Variants in CCDC102B observed in about 807,000 individuals in gnomAD.
The protein encoded by CCDC102B is coiled-coil domain-containing protein 102B.
Under a neutral mutation model 57.4 loss-of-function variants are expected in CCDC102B, and 75 were observed. The ratio of observed to expected loss-of-function variants is 1.31; its 90% CI spans 1.08 to 1.58. CCDC102B has a LOEUF of 1.58. Ranked by LOEUF, CCDC102B falls within the 40% of genes most tolerant of loss-of-function variation. The pLI, the probability that CCDC102B is intolerant of heterozygous loss-of-function variation, is 0.00. For synonymous variants in CCDC102B, 206 were observed against 201.9 expected, an observed-to-expected ratio of 1.02 and a Z score of -0.17; for missense variants, 636 against 582.6, an observed-to-expected ratio of 1.09 and a Z score of -0.94.
At chr18:69,005,647 A>G (rs1461837388) in intron 6 of CCDC102B, among the ~76,000 whole-genome samples, 4 of 151,852 alleles carry the variant, frequency 2.6e-5, no homozygotes, top group Non-Finnish European at 1.5e-5. Context: ...GTATCATATT[A>G]CAATTAATTC....
chr18:68,787,407 C>T lies in CCDC102B; in HGVS notation c.-66-35959C>T, dbSNP rs1035762563. ...GGAATAGTTTCAGAAGGAATGGTCCCAGTTCCTCCTTGTACCTCTGGTAGA... is the reference window on the plus strand; with the variant it reads ...GGAATAGTTTCAGAAGGAATGGTCCTAGTTCCTCCTTGTACCTCTGGTAGA... On this transcript the variant is annotated intron_variant, in intron 2 of 3. Coordinates refer to the CCDC102B transcript ENST00000578970. 2.0e-5 allele frequency among the ~76,000 whole-genome samples: 3 copies of T among 151,356 alleles called. No individual in the cohort carries two copies. The South Asian group carries it at 6.2e-4, about 31-fold the overall frequency.
chr18:68,924,067 T>G (rs2041387364), intron 6 of CCDC102B, among the ~76,000 whole-genome samples: 1 of 152,054 alleles, frequency 6.6e-6, no homozygotes, highest in Admixed American at 6.6e-5. Context: ...GTTACTACAA[T>G]ATGTCTTAAA....
At chr18:68,992,399 C>A (rs954295388) in intron 6 of CCDC102B, among the ~76,000 whole-genome samples, 1 of 152,156 alleles carries the variant, frequency 6.6e-6, no homozygotes, top group East Asian at 1.9e-4. Flanking sequence ...GGCTGAACCC[C>A]ACATGGCCAT....
chr18:68,730,026 A>T (rs949152053), intron 2 of CCDC102B, among the ~76,000 whole-genome samples: 1 of 152,116 alleles, frequency 6.6e-6, no homozygotes, highest in African/African-American at 2.4e-5. Flanking sequence ...TCAAAATAAG[A>T]CCTCATTGAC....
chr18:68,756,591 G>A (rs1820360403), intron 2 of CCDC102B, among the ~76,000 whole-genome samples: 1 of 152,178 alleles, frequency 6.6e-6, no homozygotes, highest in African/African-American at 2.4e-5. Context: ...GGCAAGAGAA[G>A]TCATGCCCAA....
intron 3 of CCDC102B, among the ~76,000 whole-genome samples, chr18:68,844,906 A>G (rs1539896): frequency 0.34 from 50,832 of 151,656 alleles, 9,602 homozygotes; most frequent in East Asian, 0.65. Context: ...AGTGTTCAGA[A>G]GACCTAAACT....
intron 6 of CCDC102B, among the ~76,000 whole-genome samples, chr18:68,911,596 CA>C (rs1002279069): frequency 5.4e-5 from 8 of 148,952 alleles, no homozygotes; most frequent in Admixed American, 2.0e-4. Context: ...ACTAAAAATA[CA>C]AAAAATTAGC....
intron 6 of CCDC102B, among the ~76,000 whole-genome samples, chr18:68,913,659 G>GAAAA (rs35793292): frequency 7.0e-6 from 1 of 141,942 alleles, no homozygotes. Context: ...GGTCTCAAAA[G>GAAAA]AAAAAAAAAA....
At chr18:68,781,035 C>A (rs2034990278) in intron 2 of CCDC102B, among the ~76,000 whole-genome samples, 2 of 152,006 alleles carry the variant, frequency 1.3e-5, no homozygotes, top group South Asian at 4.1e-4. Context: ...GTTCATCTTG[C>A]AACTAATTAA....
chr18:69,039,460 A>C (rs1599884652), intron 7 of CCDC102B, among the ~76,000 whole-genome samples: 1 of 151,876 alleles, frequency 6.6e-6, no homozygotes, highest in Non-Finnish European at 1.5e-5. Context: ...ATAAACATCT[A>C]TTCTAAGTTT....
At chr18:69,009,435 A>G (rs2051439626) in intron 6 of CCDC102B, among the ~76,000 whole-genome samples, 1 of 152,170 alleles carries the variant, frequency 6.6e-6, no homozygotes, top group African/African-American at 2.4e-5. Flanking sequence ...TACAATATCT[A>G]TAATTTTGTC....
chr18:69,007,317 C>T (rs537368137), intron 6 of CCDC102B, among the ~76,000 whole-genome samples: 1 of 152,210 alleles, frequency 6.6e-6, no homozygotes, highest in Non-Finnish European at 1.5e-5. Context: ...ACAAAAAATA[C>T]CAAGTGTCTG....
At chr18:68,752,640 A>C (rs949604266) in intron 2 of CCDC102B, among the ~76,000 whole-genome samples, 3 of 152,180 alleles carry the variant, frequency 2.0e-5, no homozygotes, top group African/African-American at 4.8e-5. Flanking sequence ...AATTAATTTC[A>C]TACTAATTTT....
intron 6 of CCDC102B, among the ~76,000 whole-genome samples, chr18:68,916,003 G>A (rs1297979299): frequency 6.6e-6 from 1 of 152,060 alleles, no homozygotes; most frequent in Non-Finnish European, 1.5e-5. Flanking sequence ...TTTATAAAAG[G>A]TGCAAGTTAT....
chr18:68,836,688 C>G, intron 1 of CCDC102B, 61 bp from the exon 2 acceptor site: 13 of 891,774 alleles, frequency 1.5e-5, no homozygotes, highest in Non-Finnish European at 2.1e-5. Context: ...AAGTGTAGGT[C>G]TTGTTCCTGT....
At chr18:68,824,090 G>A (rs891522948) in intron 1 of CCDC102B, among the ~76,000 whole-genome samples, 2 of 151,948 alleles carry the variant, frequency 1.3e-5, no homozygotes, top group Non-Finnish European at 2.9e-5. Context: ...TTTTTCTTTT[G>A]CAATTGCTTT....
chr18:68,904,164 GTTTATC>G (rs1406893778), intron 6 of CCDC102B, among the ~76,000 whole-genome samples: 61 of 151,860 alleles, frequency 4.0e-4, no homozygotes, highest in Non-Finnish European at 8.8e-5. Context: ...ATCATTTCTT[GTTTATC>G]TTTAACTGTT....
At chr18:68,940,289 T>A (rs1250672005) in intron 6 of CCDC102B, among the ~76,000 whole-genome samples, 1 of 151,870 alleles carries the variant, frequency 6.6e-6, no homozygotes, top group African/African-American at 2.4e-5. Flanking sequence ...TATAATAATA[T>A]GTATCTCTTA....
intron 2 of CCDC102B, among the ~76,000 whole-genome samples, chr18:68,781,269 T>G (rs2034999730): frequency 6.6e-6 from 1 of 152,176 alleles, no homozygotes; most frequent in Admixed American, 6.5e-5. Flanking sequence ...TTATGTAATA[T>G]ATATTAATTT....
Sources: gnomAD v4.1 joint callset for allele counts (sites outside exome capture counted in the v4.1 genomes callset) on GRCh38, gnomAD v4.1.1 for gene constraint, MANE v1.5 for transcripts, NCBI Gene and HGNC (gene_info 2026-07-23, HGNC 2026-07-21) for gene names.